Variants in NR5A2 observed in about 807,000 individuals in gnomAD.
The protein encoded by NR5A2 is nuclear receptor subfamily 5 group A member 2, also known as CYP7A promoter-binding factor.
Under a neutral mutation model 62.7 loss-of-function variants are expected in NR5A2, and 26 were observed. That is an observed-to-expected ratio of 0.41 (90% CI 0.30 to 0.58). The LOEUF is 0.58. NR5A2 is among the 20% of genes least tolerant of loss of function. NR5A2 has a pLI of 0.22. For synonymous variants in NR5A2, 246 were observed against 241.7 expected, an observed-to-expected ratio of 1.02 and a Z score of -0.16; for missense variants, 541 against 669.1, an observed-to-expected ratio of 0.81 and a Z score of 2.11.
intron 7 of NR5A2, among the ~76,000 whole-genome samples, chr1:200,171,487 G>A (rs1233793125): frequency 1.3e-5 from 2 of 152,176 alleles, no homozygotes; most frequent in East Asian, 1.9e-4. Flanking sequence ...AGTAGCTCAC[G>A]CCTGTAATCC....
rs150069415 is a variant in NR5A2, at chr1:200,147,364, C to A, written c.1378+26409C>A. ...CGGCCTACATGGAGGTTTGCTGACT[C>A]CCCCAGGCCACCTTAGTTCCTCTCG... On this transcript the variant is annotated intron_variant, in intron 7 of 7. Coordinates refer to ENST00000367362, the MANE Select transcript of NR5A2 (RefSeq NM_205860.3). This position sits in a 1 kb window ranked among gnomAD's most constrained non-coding sequence, Gnocchi z 4.9. 8.3e-4 allele frequency among the ~76,000 whole-genome samples: 126 copies of A among 152,310 alleles called. 1 individual carries two copies. The East Asian group carries it at 0.021, about 26-fold the overall frequency.
chr1:200,048,509 G>C lies in NR5A2; in HGVS notation c.801G>C (p.Arg267=), dbSNP rs1228074346. Residue 267 remains arginine (R), a synonymous_variant, in exon 5 of 8, where the codon CGG becomes CGC. Coordinates refer to ENST00000367362, the MANE Select transcript of NR5A2 (RefSeq NM_205860.3). The surrounding 1 kb of genome is among the most constrained non-coding windows in gnomAD (Gnocchi z 4.8). ...GYQTYGHFPS[R]AIKSEYPDPY... ...AAACATATGGCCACTTTCCTAGCCG[G>C]GCCATCAAGTCTGAGTACCCAGACC... The C allele has an allele frequency of 1.2e-6, 2 of 1,613,964 alleles. No homozygotes were observed. Among genetic ancestry groups the C allele is most frequent in the Non-Finnish European group, 1.7e-6 (2 of 1,180,022 alleles).
intron 5 of NR5A2, among the ~76,000 whole-genome samples, chr1:200,056,955 G>C (rs867553859): frequency 6.6e-6 from 1 of 152,132 alleles, no homozygotes; most frequent in Non-Finnish European, 1.5e-5. Flanking sequence ...CCTCCTGTTC[G>C]ATATAGTCTG....
chr1:200,113,727 T>G (rs2363571), intron 6 of NR5A2, among the ~76,000 whole-genome samples: 64,105 of 152,076 alleles, frequency 0.42, 13,668 homozygotes, highest in Admixed American at 0.45. Context: ...TTATAAATAC[T>G]TCCCTGAGTG....
chr1:200,072,467 G>A (rs1371032009), intron 5 of NR5A2, among the ~76,000 whole-genome samples: 1 of 152,012 alleles, frequency 6.6e-6, no homozygotes, highest in East Asian at 1.9e-4. Context: ...CAAAACACCC[G>A]AAGGCCAAAT....
In NR5A2 at chr1:200,152,589, C is replaced by T. The variant is rs559660301; in HGVS notation, c.1379-21374C>T. 1.5e-4 allele frequency among the ~76,000 whole-genome samples: 23 copies of T among 152,232 alleles called. 1 individual carries two copies. The South Asian group carries it at 4.4e-3, about 29-fold the overall frequency. The stretch of plus-strand genomic sequence containing the variant: ...TTCCCCAAAATACCATTTTAAAATA[C>T]TGATGAATTTGAACAAGTGGTTTGA... On this transcript the variant is annotated intron_variant, in intron 7 of 7. Coordinates refer to ENST00000367362, the MANE Select transcript of NR5A2 (RefSeq NM_205860.3).
At chr1:200,114,927 G>A (rs371408476) in intron 6 of NR5A2, among the ~76,000 whole-genome samples, 3 of 152,262 alleles carry the variant, frequency 2.0e-5, no homozygotes, top group South Asian at 2.1e-4. Flanking sequence ...TTGCCTTCAC[G>A]CCGGCATTTA....
intron 6 of NR5A2, among the ~76,000 whole-genome samples, chr1:200,119,177 C>A (rs1045740661): frequency 6.6e-6 from 1 of 152,154 alleles, no homozygotes; most frequent in African/African-American, 2.4e-5. Context: ...CTAGTTAAAG[C>A]TGAAAATTCA....
intron 7 of NR5A2, among the ~76,000 whole-genome samples, chr1:200,171,826 A>G (rs1654195062): frequency 6.6e-6 from 1 of 152,202 alleles, no homozygotes; most frequent in Non-Finnish European, 1.5e-5. Flanking sequence ...TAGTAAGTGG[A>G]TAAACCAAAA....
intron 7 of NR5A2, among the ~76,000 whole-genome samples, chr1:200,165,961 C>A (rs1653880774): frequency 6.6e-6 from 1 of 152,188 alleles, no homozygotes; most frequent in African/African-American, 2.4e-5. Flanking sequence ...CAAACAACAA[C>A]CTCTGTTCCT....
intron 5 of NR5A2, among the ~76,000 whole-genome samples, chr1:200,091,433 T>C (rs1485973246): frequency 6.6e-6 from 1 of 152,050 alleles, no homozygotes; most frequent in Non-Finnish European, 1.5e-5. Flanking sequence ...TGGAGCCTGT[T>C]TCTGTACCAG....
chr1:200,106,157 C>T (rs1429685918), intron 5 of NR5A2, among the ~76,000 whole-genome samples: 1 of 151,692 alleles, frequency 6.6e-6, no homozygotes, highest in Non-Finnish European at 1.5e-5. Context: ...TCCTGGGTTC[C>T]AGTGATTCTC....
chr1:200,168,500 T>G (rs1553281176), intron 7 of NR5A2, among the ~76,000 whole-genome samples: 1 of 152,226 alleles, frequency 6.6e-6, no homozygotes, highest in Non-Finnish European at 1.5e-5. Context: ...CAGCATTTTC[T>G]TATTATTAAT....
At chr1:200,090,771 G>A (rs2102251982) in intron 5 of NR5A2, among the ~76,000 whole-genome samples, 1 of 152,268 alleles carries the variant, frequency 6.6e-6, no homozygotes, top group East Asian at 1.9e-4. Context: ...AGTGAGACCA[G>A]GGCCAGTTTG....
chr1:200,028,043 CT>C, intron 1 of NR5A2, 132 bp downstream of exon 1: 1 of 548,942 alleles, frequency 1.8e-6, no homozygotes, highest in Non-Finnish European at 3.1e-6. Flanking sequence ...CACAATAAGC[CT>C]ATGTATATAT....
chr1:200,116,216 A>T (rs1039155200), intron 6 of NR5A2, among the ~76,000 whole-genome samples: 4 of 152,202 alleles, frequency 2.6e-5, no homozygotes, highest in Non-Finnish European at 4.4e-5. Context: ...TCATGTCTAC[A>T]CATTGCTTTA....
intron 2 of NR5A2, among the ~76,000 whole-genome samples, chr1:200,041,546 A>T (rs946352088): frequency 6.6e-6 from 1 of 152,178 alleles, no homozygotes; most frequent in Admixed American, 6.5e-5. Context: ...GTCCCGGGAC[A>T]GAGCAGCGCG....
rs1571556273 is a variant in NR5A2 at position 200,147,593 on chromosome 1, G to A, written c.1379-26370G>A. 1.4e-6 allele frequency: 1 copy of A among 720,906 alleles called. No individual in the cohort carries two copies. The highest frequency in any genetic ancestry group is 2.6e-6 in the Non-Finnish European group (1 of 389,076). 44.7% of individuals were successfully genotyped at this position (720,906 alleles called of 1,614,324 possible). On this transcript the variant is annotated intron_variant, in intron 7 of 7. Coordinates refer to ENST00000367362, the MANE Select transcript of NR5A2 (RefSeq NM_205860.3). This position sits in a 1 kb window ranked among gnomAD's most constrained non-coding sequence, Gnocchi z 4.9. Reference sequence around the variant, plus strand: ...GCGATCTCCTCTACACGAACGCTAGGGCAGAGCACATTTTCGCACAGGCAG... The same window carrying A: ...GCGATCTCCTCTACACGAACGCTAGAGCAGAGCACATTTTCGCACAGGCAG...
chr1:200,057,188 G>A (rs552666480), intron 5 of NR5A2, among the ~76,000 whole-genome samples: 11 of 152,302 alleles, frequency 7.2e-5, no homozygotes, highest in African/African-American at 2.6e-4. Flanking sequence ...TGGTACAGAC[G>A]TGAGCATTTT....
Sources: gnomAD v4.1 joint callset for allele counts (sites outside exome capture counted in the v4.1 genomes callset) on GRCh38, gnomAD v4.1.1 for gene constraint, Gnocchi (gnomAD v3.1) non-coding constraint, MANE v1.5 for transcripts, NCBI Gene and HGNC (gene_info 2026-07-23, HGNC 2026-07-21) for gene names.